PACC1: variants seen among roughly 807,000 people sequenced by gnomAD.
PACC1 encodes the protein proton-activated chloride channel.
PACC1 carries 34 observed loss-of-function variants against 39.7 expected under a neutral mutation model. That is an observed-to-expected ratio of 0.86 (90% confidence interval 0.65 to 1.14). The LOEUF is 1.14. PACC1 is among the 50% of genes most tolerant of loss of function. The pLI is 0.00. For missense variants in PACC1, 379 were observed against 436.4 expected (o/e 0.87, Z 1.17); for synonymous variants, 127 against 160.6 (o/e 0.79, Z 1.58).
chr1:212,409,389 A>G (rs1036846625), intron 2 of PACC1, among the ~76,000 whole-genome samples: 14 of 152,228 alleles, frequency 9.2e-5, no homozygotes, highest in South Asian at 6.2e-4. Context: ...ATGATTAGGC[A>G]TTAACTATGT....
At position 212,408,429 on chromosome 1, in the gene PACC1, C is replaced by A. The variant is rs148876406; in HGVS notation, c.133+1996G>T. ...AGGCTAGAGTGCAGTGGCATGATCT[C>A]GTCTCACTGTAACCTCCGCCTCCTG... On this transcript the variant is annotated intron_variant, in intron 2 of 7. Coordinates refer to ENST00000261455, the MANE Select transcript of PACC1 (RefSeq NM_018252.3). Among the ~76,000 whole-genome samples the A allele has an allele frequency of 1.3e-4, 20 of 151,786 alleles. No homozygotes were observed. The East Asian group carries it at 3.9e-3, about 30-fold the overall frequency.
intron 7 of PACC1, among the ~76,000 whole-genome samples, chr1:212,372,639 A>G (rs1660502502): frequency 1.3e-5 from 2 of 152,342 alleles, no homozygotes; most frequent in East Asian, 1.9e-4. Context: ...TAAATTCAGT[A>G]AAGTCACAGG....
At position 212,386,565 on chromosome 1, in the gene PACC1, G is replaced by A. The variant is rs1661107042; in HGVS notation, c.343+326C>T. ...CCTCTGCCTCCCTAGACACCCCTTC[G>A]CTCTGCTGATCCCCATCCCAAAGAC... On this transcript the variant is annotated intron_variant, in intron 3 of 7. Coordinates refer to ENST00000261455, the MANE Select transcript of PACC1 (RefSeq NM_018252.3). This position sits in a 1 kb window ranked among gnomAD's most constrained non-coding sequence, Gnocchi z 5.0. Among the ~76,000 whole-genome samples, 1 of 151,894 alleles carries A rather than the reference G, an allele frequency of 6.6e-6. No homozygotes were observed. The highest frequency in any genetic ancestry group is 2.1e-4 in the South Asian group (1 of 4,814).
intron 7 of PACC1, among the ~76,000 whole-genome samples, chr1:212,368,674 TAAAA>T (rs374203801): frequency 6.9e-6 from 1 of 143,938 alleles, no homozygotes; most frequent in South Asian, 2.2e-4. Flanking sequence ...AATACACAAA[TAAAA>T]AAAAAAGAAT....
intron 2 of PACC1, among the ~76,000 whole-genome samples, chr1:212,404,029 C>T (rs1010548801): frequency 3.3e-5 from 5 of 152,166 alleles, no homozygotes; most frequent in African/African-American, 1.2e-4. Context: ...TGGTTGTCTC[C>T]CTTTGCCTTA....
At chr1:212,389,322 A>T (rs1049005659) in intron 2 of PACC1, among the ~76,000 whole-genome samples, 1 of 151,772 alleles carries the variant, frequency 6.6e-6, no homozygotes, top group Non-Finnish European at 1.5e-5. Context: ...TGGAGAACCC[A>T]GGGGGGGCCA....
intron 6 of PACC1, among the ~76,000 whole-genome samples, chr1:212,376,438 T>C (rs1182886124): frequency 6.6e-6 from 1 of 152,238 alleles, no homozygotes; most frequent in Non-Finnish European, 1.5e-5. Context: ...ACTAGAGTTT[T>C]CACCCTTTGG....
intron 7 of PACC1, among the ~76,000 whole-genome samples, chr1:212,365,594 C>A (rs1361010887): frequency 1.3e-5 from 2 of 152,086 alleles, no homozygotes; most frequent in African/African-American, 4.8e-5. Flanking sequence ...CCACACCTGG[C>A]TAATTTTTTG....
At chr1:212,400,334 A>C (rs970895406) in intron 2 of PACC1, among the ~76,000 whole-genome samples, 1 of 152,332 alleles carries the variant, frequency 6.6e-6, no homozygotes, top group Middle Eastern at 3.4e-3. Flanking sequence ...CATGTTCCTG[A>C]AAATTCTAAA....
intron 2 of PACC1, among the ~76,000 whole-genome samples, chr1:212,396,376 G>A (rs1465700327): frequency 6.6e-6 from 1 of 152,014 alleles, no homozygotes; most frequent in Non-Finnish European, 1.5e-5. Flanking sequence ...TCATAGGTGG[G>A]AACTGAACAA....
chr1:212,378,734 C>G (rs1348442629), intron 5 of PACC1, among the ~76,000 whole-genome samples: 4 of 152,128 alleles, frequency 2.6e-5, no homozygotes, highest in Admixed American at 1.3e-4. Flanking sequence ...GAGCTTATAT[C>G]CTCATACCAG....
At position 212,379,889 on chromosome 1, in the gene PACC1, G is replaced by T. The variant is rs1177154577; in HGVS notation, c.638+6C>A. ...AGTAAGCCCACTGTGAACTCTAAAA[G>T]CCCACCTTTGCAGGAACTCCTGGAA... On this transcript the variant is annotated splice_donor_region_variant and intron_variant, in intron 5 of 7. Transcript: ENST00000261455. The T allele has an allele frequency of 1.2e-6, 2 of 1,613,938 alleles. No individual in the cohort carries two copies. The highest frequency in any genetic ancestry group is 1.7e-6 in the Non-Finnish European group (2 of 1,179,994).
intron 5 of PACC1, among the ~76,000 whole-genome samples, chr1:212,379,046 C>T (rs1045096617): frequency 4.6e-5 from 7 of 151,520 alleles, no homozygotes; most frequent in South Asian, 4.2e-4. Context: ...TGGGTTCAAT[C>T]GGTTCTCCTG....
intron 3 of PACC1, 36 bp from the exon 4 acceptor site, chr1:212,385,461 T>C: frequency 1.2e-6 from 2 of 1,612,484 alleles, no homozygotes; most frequent in Non-Finnish European, 1.7e-6. Flanking sequence ...GTGTCAGAAA[T>C]CACACTCCTG....
chr1:212,395,419 T>C (rs1161724673), intron 2 of PACC1, among the ~76,000 whole-genome samples: 1 of 152,112 alleles, frequency 6.6e-6, no homozygotes, highest in East Asian at 1.9e-4. Flanking sequence ...TTCCTTACAC[T>C]GTATACAAAA....
intron 2 of PACC1, chr1:212,387,602 C>T (rs1661151578): frequency 6.3e-6 from 1 of 157,678 alleles, no homozygotes; most frequent in Non-Finnish European, 1.4e-5. Context: ...CCGGGATTCC[C>T]TCACACTTAC....
intron 4 of PACC1, among the ~76,000 whole-genome samples, chr1:212,382,057 G>C (rs1464642198): frequency 7.3e-6 from 1 of 136,170 alleles, no homozygotes; most frequent in Non-Finnish European, 1.6e-5. Flanking sequence ...TTTTTTTTTT[G>C]AGACGGTGTC....
chr1:212,382,697 GC>G (rs1660950272), intron 4 of PACC1, among the ~76,000 whole-genome samples: 1 of 152,182 alleles, frequency 6.6e-6, no homozygotes, highest in African/African-American at 2.4e-5. Flanking sequence ...GTAAGAAGCC[GC>G]CCTCCAAGTT....
At chr1:212,393,991 C>T (rs1430980834) in intron 2 of PACC1, among the ~76,000 whole-genome samples, 3 of 151,900 alleles carry the variant, frequency 2.0e-5, no homozygotes, top group Admixed American at 6.6e-5. Context: ...GATTCACAGC[C>T]GAATTCTACC....
Sources: allele counts gnomAD v4.1 joint callset (sites outside exome capture counted in the v4.1 genomes callset), GRCh38; gene constraint gnomAD v4.1.1; non-coding constraint Gnocchi (gnomAD v3.1); transcripts MANE v1.5; gene names NCBI Gene and HGNC (gene_info 2026-07-23, HGNC 2026-07-21).